The following PGM5 variants were observed in gnomAD, a reference collection of about 807,000 sequenced individuals.
PGM5 encodes phosphoglucomutase-like protein 5.
A neutral mutation model predicts 59.2 loss-of-function variants in PGM5; 23 were observed. The ratio of observed to expected loss-of-function variants is 0.39; its 90% CI spans 0.28 to 0.55. The LOEUF (loss-of-function observed/expected upper bound fraction) is 0.55. Ranked by LOEUF, PGM5 falls within the 20% of genes least tolerant of loss-of-function variation. The pLI, the probability that PGM5 is intolerant of heterozygous loss-of-function variation, is 0.66. For missense variants in PGM5, 574 were observed against 748.3 expected, an observed-to-expected ratio of 0.77 and a Z score of 2.72; for synonymous variants, 214 against 286.0, an observed-to-expected ratio of 0.75 and a Z score of 2.54.
intron 10 of PGM5, among the ~76,000 whole-genome samples, chr9:68,527,628 A>G (rs1263092120): frequency 1.3e-5 from 2 of 152,342 alleles, no homozygotes; most frequent in African/African-American, 4.8e-5. Flanking sequence ...TATTAAGAGG[A>G]AAAGAATCCC....
At chr9:68,446,887 G>A (rs1013913300) in intron 6 of PGM5, among the ~76,000 whole-genome samples, 9 of 152,056 alleles carry the variant, frequency 5.9e-5, no homozygotes, top group African/African-American at 1.9e-4. Flanking sequence ...TCTCCTGATC[G>A]GCATTCCTCC....
chr9:68,491,863 T>C (rs1824396918), intron 9 of PGM5, among the ~76,000 whole-genome samples: 1 of 152,016 alleles, frequency 6.6e-6, no homozygotes, highest in Non-Finnish European at 1.5e-5. Context: ...AGAAAGAAAA[T>C]AGAATGAGGG....
chr9:68,370,294 A>G (rs10124294), intron 1 of PGM5, among the ~76,000 whole-genome samples: 32,824 of 151,256 alleles, frequency 0.22, 3,379 homozygotes, highest in South Asian at 0.36. Context: ...TTCTTAAATG[A>G]CATTTAAAGC....
intron 10 of PGM5, among the ~76,000 whole-genome samples, chr9:68,528,354 C>G (rs1825022307): frequency 6.6e-6 from 1 of 152,204 alleles, no homozygotes; most frequent in African/African-American, 2.4e-5. Context: ...AAGCCATCCT[C>G]CCATCTCAGC....
chr9:68,517,943 A>G (rs563709527), intron 10 of PGM5, among the ~76,000 whole-genome samples: 5 of 152,244 alleles, frequency 3.3e-5, no homozygotes, highest in Non-Finnish European at 4.4e-5. Flanking sequence ...GAATTTGTCC[A>G]TCTAGGAGAG....
At chr9:68,423,340 A>G (rs1442789328) in intron 6 of PGM5, among the ~76,000 whole-genome samples, 1 of 152,240 alleles carries the variant, frequency 6.6e-6, no homozygotes, top group Non-Finnish European at 1.5e-5. Context: ...CATTCCCACC[A>G]GCAGTATAGA....
At chr9:68,369,347 C>T (rs2131981208) in intron 1 of PGM5, among the ~76,000 whole-genome samples, 1 of 152,262 alleles carries the variant, frequency 6.6e-6, no homozygotes, top group South Asian at 2.1e-4. Context: ...TCTCAGCTTA[C>T]CTCAGGGCAC....
chr9:68,396,143 A>G (rs1187802464), intron 6 of PGM5: 3 of 152,130 alleles, frequency 2.0e-5, no homozygotes, highest in African/African-American at 7.2e-5. Context: ...TTTGTAACAT[A>G]TCAACTCACT....
At chr9:68,376,799 T>TTCTC in intron 1 of PGM5, among the ~76,000 whole-genome samples, 1 of 109,018 alleles carries the variant, frequency 9.2e-6, no homozygotes, top group Non-Finnish European at 1.9e-5. Flanking sequence ...CTTTCTTTCT[T>TTCTC]TCTTTCTTTC....
At chr9:68,490,176 C>A (rs1824366915) in intron 9 of PGM5, among the ~76,000 whole-genome samples, 1 of 152,244 alleles carries the variant, frequency 6.6e-6, no homozygotes, top group Non-Finnish European at 1.5e-5. Flanking sequence ...TGCAACAAAC[C>A]CCTGGTCAGC....
chr9:68,470,122 A>G (rs1823997386), intron 7 of PGM5, among the ~76,000 whole-genome samples: 1 of 152,138 alleles, frequency 6.6e-6, no homozygotes, highest in South Asian at 2.1e-4. Flanking sequence ...TTCTAGGGAG[A>G]TCTCCCTTCC....
In PGM5 at chr9:68,379,602, C is replaced by T. The variant is rs544740415; in HGVS notation, c.424+1241C>T. ...ATGGCAGGAGTAAGTCTTTTACTAT[C>T]AATAATAACCTTGCTGGTACATGGG... On this transcript the variant is annotated intron_variant, in intron 2 of 10. Coordinates refer to ENST00000396396, the MANE Select transcript of PGM5 (RefSeq NM_021965.4). Among the ~76,000 whole-genome samples the T allele has an allele frequency of 1.1e-4, 17 of 152,152 alleles. 1 individual carries two copies. The highest frequency in any genetic ancestry group is 6.2e-4 in the South Asian group (3 of 4,818).
intron 9 of PGM5, chr9:68,498,012 G>T (rs1276193344): frequency 6.6e-6 from 1 of 152,234 alleles, no homozygotes; most frequent in African/African-American, 2.4e-5. Flanking sequence ...CCCCACTCTG[G>T]TGGTCAGGCC....
rs1327827891 is a variant in PGM5 at position 68,401,889 on chromosome 9, ATG to A, written c.1043+9456_1043+9457del. Among the ~76,000 whole-genome samples the A allele has an allele frequency of 8.3e-3, 77 of 9,290 alleles. 1 individual carries two copies. The highest frequency in any genetic ancestry group is 0.02 in the African/African-American group (75 of 3,778). 6.1% of individuals were successfully genotyped at this position (9,290 alleles called of 152,430 possible). On this transcript the variant is annotated intron_variant, in intron 6 of 10. Transcript: ENST00000396396. ...GGTAGTTACACAGCTATATATATATATGTGTGTGTGTGTGTGTGTGTGTGTGT... is the reference window on the plus strand; with the variant it reads ...GGTAGTTACACAGCTATATATATATATGTGTGTGTGTGTGTGTGTGTGTGT...
chr9:68,492,832 A>G (rs1425964212), intron 9 of PGM5, among the ~76,000 whole-genome samples: 1 of 152,238 alleles, frequency 6.6e-6, no homozygotes. Flanking sequence ...ACGTCTGTTC[A>G]ATCCAAATCT....
rs1823466406 is a variant in PGM5, at chr9:68,437,993, A to G, written c.1044-27100A>G. On this transcript the variant is annotated intron_variant, in intron 6 of 10. Transcript: ENST00000396396. The surrounding 1 kb of genome is among the most constrained non-coding windows in gnomAD (Gnocchi z 4.1). The stretch of plus-strand genomic sequence containing the variant: ...GGAGACATTTACTCTCTGATTAGGA[A>G]CCCAGAGTTCCTGGCCAGGCGAGGT... Among the ~76,000 whole-genome samples the G allele has an allele frequency of 6.6e-6, 1 of 152,074 alleles. No homozygotes were observed.
chr9:68,460,291 A>G (rs1267557050), intron 6 of PGM5, among the ~76,000 whole-genome samples: 2 of 152,200 alleles, frequency 1.3e-5, no homozygotes, highest in African/African-American at 2.4e-5. Context: ...AATACCTACT[A>G]TGAGCAAGCA....
At chr9:68,463,064 GCTTTT>G (rs1564011972) in intron 6 of PGM5, among the ~76,000 whole-genome samples, 2 of 152,106 alleles carry the variant, frequency 1.3e-5, no homozygotes, top group African/African-American at 4.8e-5. Context: ...CCTGAAAAGT[GCTTTT>G]CAATGCAAAC....
intron 7 of PGM5, 45 bp downstream of exon 7, chr9:68,465,253 CT>C (rs782477312): frequency 2.4e-6 from 3 of 1,228,224 alleles, no homozygotes; most frequent in Non-Finnish European, 2.4e-6. Context: ...CGGCTGCAGC[CT>C]TTTGTGATCT....
Sources: gnomAD v4.1 joint callset for allele counts (sites outside exome capture counted in the v4.1 genomes callset) on GRCh38, gnomAD v4.1.1 for gene constraint, Gnocchi (gnomAD v3.1) non-coding constraint, MANE v1.5 for transcripts, NCBI Gene and HGNC (gene_info 2026-07-23, HGNC 2026-07-21) for gene names.